The following TOP1MT variants were observed in gnomAD, a reference collection of about 807,000 sequenced individuals.
TOP1MT encodes the protein DNA topoisomerase I mitochondrial, also known as DNA topoisomerase I, mitochondrial.
A neutral mutation model predicts 73.9 loss-of-function variants in TOP1MT; 80 were observed. The observed-to-expected ratio is 1.08, with a 90% CI of 0.90 to 1.30. TOP1MT has a LOEUF of 1.30. Among genes scored for constraint, TOP1MT ranks in the 50% most tolerant of loss-of-function variants. The pLI, the probability that TOP1MT is intolerant of heterozygous loss-of-function variation, is 0.00. For missense variants in TOP1MT, 815 were observed against 808.0 expected, an observed-to-expected ratio of 1.01 and a Z score of -0.10; for synonymous variants, 338 against 326.4, an observed-to-expected ratio of 1.04 and a Z score of -0.38.
Position 143,331,342 on chromosome 8 carries a change from A to G in TOP1MT, c.123-3T>C, listed in dbSNP as rs1816849915. 6.2e-7 allele frequency: 1 copy of G among 1,609,110 alleles called. No individual in the cohort carries two copies. Among genetic ancestry groups the G allele is most frequent in the Non-Finnish European group, 8.5e-7 (1 of 1,176,420 alleles). Reference sequence around the variant, plus strand: ...CTTCGTGCTTCTCCTTCTCCCACCTAAAGACGGAGACAGGACGTGTCACTC... The same window carrying G: ...CTTCGTGCTTCTCCTTCTCCCACCTGAAGACGGAGACAGGACGTGTCACTC... On this transcript the variant is annotated splice_region_variant and splice_polypyrimidine_tract_variant and intron_variant, in intron 1 of 13. Coordinates refer to ENST00000329245, the MANE Select transcript of TOP1MT (RefSeq NM_052963.3).
At chr8:143,351,579 CAAAAAAAA>C (rs35498119) in intron 1 of TOP1MT, among the ~76,000 whole-genome samples, 4 of 91,510 alleles carry the variant, frequency 4.4e-5, no homozygotes, top group Non-Finnish European at 9.0e-5. Context: ...GACCCAGTCT[CAAAAAAAA>C]AAAAAGAAAA....
upstream of TOP1MT, among the ~76,000 whole-genome samples, chr8:143,347,408 G>A (rs1190343029): frequency 6.6e-6 from 1 of 152,154 alleles, no homozygotes; most frequent in Non-Finnish European, 1.5e-5. Context: ...GCCCGCCTTG[G>A]CCTCCCAGAG....
At chr8:143,323,292 GCACGCCACACA>G (rs1563761139) in intron 7 of TOP1MT, among the ~76,000 whole-genome samples, 608 of 52,974 alleles carry the variant, frequency 0.011, 11 homozygotes, top group African/African-American at 0.049. Flanking sequence ...CGCCACACAC[GCACGCCACACA>G]CATGCTCACC....
At chr8:143,337,240 G>A (rs922107183), upstream of TOP1MT, among the ~76,000 whole-genome samples, 9 of 152,040 alleles carry the variant, frequency 5.9e-5, no homozygotes, top group African/African-American at 1.9e-4. Flanking sequence ...TGGCTAAAAC[G>A]TCTCTACTAA....
At chr8:143,318,463 C>T (rs1039222403) in intron 8 of TOP1MT, among the ~76,000 whole-genome samples, 3 of 152,224 alleles carry the variant, frequency 2.0e-5, no homozygotes, top group South Asian at 2.1e-4. Context: ...TCAGGGCCTT[C>T]GGGGTTCCTG....
At chr8:143,346,953 C>A (rs964018633), upstream of TOP1MT, among the ~76,000 whole-genome samples, 121 of 140,924 alleles carry the variant, frequency 8.6e-4, no homozygotes, top group African/African-American at 2.8e-3. Flanking sequence ...AGCCTCACTT[C>A]TTTATTTATT....
chr8:143,348,501 T>A (rs1817265786), upstream of TOP1MT, among the ~76,000 whole-genome samples: 1 of 151,462 alleles, frequency 6.6e-6, no homozygotes, highest in African/African-American at 2.4e-5. This position sits in a 1 kb window ranked among gnomAD's most constrained non-coding sequence, Gnocchi z 4.6. Flanking sequence ...AGCCTGTTAA[T>A]CCTGCCATGT....
rs200414597 is a variant in TOP1MT, at chr8:143,321,362, T to C, written c.985A>G (p.Lys329Glu). The change falls in exon 8 of 14, where the codon AAG (lysine) becomes GAG (glutamate). Residue 329 changes from lysine (K) to glutamate (E), a missense_variant. Coordinates refer to ENST00000329245, the MANE Select transcript of TOP1MT (RefSeq NM_052963.3). ...GTGTCGGCCGCCTCACCGTCCTCCT[T>C]CTCATTTCCTGCTCTCAGTGCCAGC... ...DKLALRAGNE[K>E]EDGEAADTVG... 101 of 1,592,218 alleles carry C rather than the reference T, an allele frequency of 6.3e-5. No individual in the cohort carries two copies. In the East Asian group the frequency reaches 9.5e-4, roughly 15 times the overall value.
intron 2 of TOP1MT, among the ~76,000 whole-genome samples, chr8:143,342,995 A>G (rs968753549): frequency 1.3e-5 from 2 of 152,038 alleles, no homozygotes; most frequent in South Asian, 2.1e-4. Context: ...TCCTGACCTC[A>G]GGTGACCCAC....
chr8:143,313,952 T>A (rs575385955), intron 12 of TOP1MT, among the ~76,000 whole-genome samples: 1 of 151,984 alleles, frequency 6.6e-6, no homozygotes, highest in East Asian at 1.9e-4. Flanking sequence ...ACAACCCGAC[T>A]GGAAAATGGA....
chr8:143,337,193 G>A (rs577073173), upstream of TOP1MT, among the ~76,000 whole-genome samples: 2 of 152,144 alleles, frequency 1.3e-5, no homozygotes, highest in South Asian at 2.1e-4. Flanking sequence ...TTGGGAGGCC[G>A]AGACGGGCGG....
intron 8 of TOP1MT, among the ~76,000 whole-genome samples, chr8:143,318,805 C>T (rs1816247738): frequency 1.3e-5 from 2 of 152,200 alleles, no homozygotes; most frequent in African/African-American, 4.8e-5. Flanking sequence ...TCTACAAACC[C>T]ACAGGCACCG....
chr8:143,335,474 A>G (rs898366234), upstream of TOP1MT, among the ~76,000 whole-genome samples: 2 of 152,136 alleles, frequency 1.3e-5, no homozygotes, highest in African/African-American at 2.4e-5. Context: ...TCCCAAGGAG[A>G]CCAGAGACCA....
chr8:143,355,771 G>C (rs1442166383), intron 1 of TOP1MT, among the ~76,000 whole-genome samples: 10 of 152,164 alleles, frequency 6.6e-5, no homozygotes. Flanking sequence ...CTGCTCCACA[G>C]TCCTGTGGAT....
intron 7 of TOP1MT, among the ~76,000 whole-genome samples, chr8:143,321,693 C>T (rs1211481563): frequency 2.0e-4 from 27 of 136,142 alleles, no homozygotes; most frequent in Non-Finnish European, 3.9e-4. Flanking sequence ...GCCACGCACG[C>T]ACGCCACGCA....
chr8:143,316,058 T>G lies in TOP1MT; in HGVS notation c.1399A>C (p.Asn467His). 6.2e-7 allele frequency: 1 copy of G among 1,614,144 alleles called. No individual in the cohort carries two copies. Residue 467 changes from asparagine to histidine, a missense_variant, in exon 11 of 14, where the codon AAC becomes CAC. By Grantham distance (68) the Asn-to-His change is moderately conservative (BLOSUM62 1). Around this residue, in one of 3 missense-constraint regions of TOP1MT, gnomAD observed 751 missense variants for 725.4 expected, o/e 1.04. Transcript: ENST00000329245. ...RANRVVAILCNHQRATPSTFE... is the reference protein window; with the variant it reads ...RANRVVAILCHHQRATPSTFE... ...GTACTGGGGGTTGCTCGCTGATGGTTGCAGAGAATGGCCACGACTCGGTTG... is the reference window on the plus strand; with the variant it reads ...GTACTGGGGGTTGCTCGCTGATGGTGGCAGAGAATGGCCACGACTCGGTTG...
In TOP1MT at chr8:143,315,777, C is replaced by A. The variant is rs1435099087; in HGVS notation, c.1503G>T (p.Leu501=). 4 of 1,613,916 alleles carry A rather than the reference C, an allele frequency of 2.5e-6. No homozygotes were observed. The African/African-American group carries it at 5.3e-5, about 22-fold the overall frequency. ...KEQVAEARAE[L]RRARAEHKAQ... ...CTTTGTGCTCAGCCCTCGCCCTCCT[C>A]AGCTCTGCCCTGGCCTCAGCCACCT... Residue 501 remains leucine (L), a synonymous_variant, in exon 12 of 14, where the codon CTG becomes CTT. Transcript: ENST00000329245.
chr8:143,342,165 C>T lies in TOP1MT; in HGVS notation c.29+1055G>A, dbSNP rs1303602197. 1.7e-4 allele frequency among the ~76,000 whole-genome samples: 19 copies of T among 115,110 alleles called. 1 individual carries two copies. Among genetic ancestry groups the T allele is most frequent in the Non-Finnish European group, 2.6e-4 (16 of 61,412 alleles). 75.5% of individuals were successfully genotyped at this position (115,110 alleles called of 152,430 possible). A position where few individuals can be genotyped will look rare whatever the true frequency, so the allele number is the denominator to read the frequency against. On this transcript the variant is annotated intron_variant, in intron 2 of 5. Coordinates refer to the TOP1MT transcript ENST00000518007. ...ATTATTATTATTAGAGACAGAGTCT[C>T]GCTCTGTTATTATTAGAGACAGTCT...
chr8:143,335,972 C>T (rs1816975682), upstream of TOP1MT, among the ~76,000 whole-genome samples: 2 of 152,220 alleles, frequency 1.3e-5, no homozygotes, highest in Admixed American at 1.3e-4. Context: ...TGAAGGTACA[C>T]ACACACCAGG....
Sources: allele counts gnomAD v4.1 joint callset (sites outside exome capture counted in the v4.1 genomes callset), GRCh38; gene constraint gnomAD v4.1.1; regional missense constraint gnomAD v4.1.1; non-coding constraint Gnocchi (gnomAD v3.1); transcripts MANE v1.5; gene names NCBI Gene and HGNC (gene_info 2026-07-23, HGNC 2026-07-21).